Variants in MOGAT1 observed in about 807,000 individuals in gnomAD.
MOGAT1 encodes monoacylglycerol O-acyltransferase 1.
Under a neutral mutation model 31.4 loss-of-function variants are expected in MOGAT1, and 32 were observed. The observed-to-expected ratio is 1.02, with a 90% confidence interval of 0.77 to 1.37. The LOEUF is 1.37. Ranked by LOEUF, MOGAT1 falls within the 40% of genes most tolerant of loss-of-function variation. The probability of loss-of-function intolerance (pLI) is 0.00; values close to 1 mark genes in which losing one functional copy is unlikely to be tolerated. For missense variants in MOGAT1, 426 were observed against 402.0 expected (o/e 1.06, Z -0.51); for synonymous variants, 145 against 144.5 (o/e 1.00, Z -0.03).
chr2:222,698,741 T>A, intron 5 of MOGAT1: 1 of 152,212 alleles, frequency 6.6e-6, no homozygotes, highest in East Asian at 1.9e-4. Context: ...AGCCTTTCCA[T>A]GGAGGATGGT....
intron 3 of MOGAT1, among the ~76,000 whole-genome samples, chr2:222,690,242 G>A (rs905617869): frequency 1.3e-5 from 2 of 152,198 alleles, no homozygotes. Flanking sequence ...GTGACAGAGA[G>A]AGACCCAATC....
chr2:222,709,312 C>T (rs1693077188), intron 5 of MOGAT1, among the ~76,000 whole-genome samples: 1 of 152,170 alleles, frequency 6.6e-6, no homozygotes, highest in South Asian at 2.1e-4. Context: ...CAGAGTAAGA[C>T]TCTGTCTCAA....
chr2:222,675,257 C>T (rs2106030092), intron 1 of MOGAT1, among the ~76,000 whole-genome samples: 1 of 152,312 alleles, frequency 6.6e-6, no homozygotes, highest in Non-Finnish European at 1.5e-5. Context: ...CTGGGCAAGA[C>T]TTCTTCCCAG....
At chr2:222,703,465 AGTG>A (rs1229126655) in intron 5 of MOGAT1, among the ~76,000 whole-genome samples, 2 of 151,946 alleles carry the variant, frequency 1.3e-5, no homozygotes, top group Non-Finnish European at 2.9e-5. Flanking sequence ...TCGGTGCCAA[AGTG>A]GCATATTTTA....
chr2:222,707,421 G>A lies in MOGAT1; in HGVS notation c.854-2315G>A, dbSNP rs572721016. ...AGAGGGAGGGAAGGGAGGGAAGGGAGGGAAGGGAGGCAAGGAAGGGGAAAG... is the reference window on the plus strand; with the variant it reads ...AGAGGGAGGGAAGGGAGGGAAGGGAAGGAAGGGAGGCAAGGAAGGGGAAAG... On this transcript the variant is annotated intron_variant, in intron 5 of 5. Transcript: ENST00000446656. Among the ~76,000 whole-genome samples, 13 of 151,144 alleles carry A rather than the reference G, an allele frequency of 8.6e-5. No homozygotes were observed. In the South Asian group the frequency reaches 2.5e-3, roughly 29 times the overall value.
chr2:222,694,012 T>C (rs377764463), intron 3 of MOGAT1, among the ~76,000 whole-genome samples: 10 of 152,318 alleles, frequency 6.6e-5, no homozygotes, highest in African/African-American at 2.2e-4. Context: ...GTGCAGGTTG[T>C]GCACTGAACA....
rs552923150 is a variant in MOGAT1, at chr2:222,679,649, T to A, written c.94+7770T>A. 1.1e-4 allele frequency among the ~76,000 whole-genome samples: 16 copies of A among 152,346 alleles called. No individual in the cohort carries two copies. The South Asian group carries it at 2.9e-3, about 28-fold the overall frequency. The stretch of plus-strand genomic sequence containing the variant: ...CATATTTCAGAAGTTCCCTTACTAA[T>A]GTCCTGTATAGCAAAGGAATCCACA... On this transcript the variant is annotated intron_variant, in intron 1 of 5. Coordinates refer to ENST00000446656, the MANE Select transcript of MOGAT1 (RefSeq NM_058165.3).
chr2:222,690,366 C>A (rs1340588920), intron 3 of MOGAT1, among the ~76,000 whole-genome samples: 1 of 152,052 alleles, frequency 6.6e-6, no homozygotes, highest in Non-Finnish European at 1.5e-5. Context: ...TCGAGACCAG[C>A]CTTGCCAACA....
intron 1 of MOGAT1, among the ~76,000 whole-genome samples, chr2:222,686,899 G>A (rs1182592446): frequency 2.6e-5 from 4 of 152,060 alleles, no homozygotes; most frequent in African/African-American, 7.2e-5. Flanking sequence ...GATCACTTGA[G>A]GTCAGGAGTT....
chr2:222,680,063 A>T (rs889766216), intron 1 of MOGAT1, among the ~76,000 whole-genome samples: 1 of 152,188 alleles, frequency 6.6e-6, no homozygotes, highest in Non-Finnish European at 1.5e-5. Flanking sequence ...GGCTGCCCTG[A>T]TTAATGAATA....
chr2:222,706,930 C>T (rs549985627), intron 5 of MOGAT1, among the ~76,000 whole-genome samples: 1 of 152,248 alleles, frequency 6.6e-6, no homozygotes, highest in South Asian at 2.1e-4. Flanking sequence ...TGTGGTGGCT[C>T]ACGCCGACCT....
At chr2:222,699,442 A>G (rs1692885630) in intron 5 of MOGAT1, 1 of 152,910 alleles carries the variant, frequency 6.5e-6, no homozygotes, top group Non-Finnish European at 1.5e-5. Flanking sequence ...ACTTTCTGCA[A>G]ACTTCATGTT....
chr2:222,707,553 C>T (rs1693024578), intron 5 of MOGAT1, among the ~76,000 whole-genome samples: 2 of 152,076 alleles, frequency 1.3e-5, no homozygotes, highest in South Asian at 4.1e-4. Flanking sequence ...GTGCAACTCC[C>T]GCTCCCAGTT....
At chr2:222,683,900 G>A (rs923584237) in intron 1 of MOGAT1, among the ~76,000 whole-genome samples, 1 of 152,190 alleles carries the variant, frequency 6.6e-6, no homozygotes, top group African/African-American at 2.4e-5. Context: ...CTTGGTTTGT[G>A]AATCTAGACA....
rs6436332 is a variant in MOGAT1, at chr2:222,706,023, G to A, written c.854-3713G>A. ...ATCCGGTTTGGGGTTAGTTTAAGAA[G>A]CAGGGGCAGGAATGCTGGGTTTAAG... is the stretch of plus-strand genomic sequence containing the variant. On this transcript the variant is annotated intron_variant, in intron 5 of 5. Coordinates refer to ENST00000446656, the MANE Select transcript of MOGAT1 (RefSeq NM_058165.3). Among the ~76,000 whole-genome samples the A allele has an allele frequency of 4.6e-3, 704 of 152,334 alleles. 6 individuals carry two copies. The highest frequency in any genetic ancestry group is 0.016 in the African/African-American group (674 of 41,560).
chr2:222,688,329 T>C lies in MOGAT1; in HGVS notation c.95-15T>C, dbSNP rs1559230408. 6 of 1,593,446 alleles carry C rather than the reference T, an allele frequency of 3.8e-6. No homozygotes were observed. The highest frequency in any genetic ancestry group is 1.7e-4 in the Middle Eastern group (1 of 6,036). ...CTAACAGACTGATTCCATGAGACTT[T>C]TTCTTTTCTTACAGGGCCGATGTCC... On this transcript the variant is annotated splice_polypyrimidine_tract_variant and intron_variant, in intron 1 of 5. Coordinates refer to ENST00000446656, the MANE Select transcript of MOGAT1 (RefSeq NM_058165.3).
At chr2:222,704,889 A>T (rs1279530076) in intron 5 of MOGAT1, among the ~76,000 whole-genome samples, 1 of 152,128 alleles carries the variant, frequency 6.6e-6, no homozygotes, top group Admixed American at 6.5e-5. Flanking sequence ...AGGTTATGAT[A>T]GTGTTACAGG....
At chr2:222,690,608 T>C (rs935463982) in intron 3 of MOGAT1, among the ~76,000 whole-genome samples, 8 of 152,178 alleles carry the variant, frequency 5.3e-5, no homozygotes, top group African/African-American at 1.7e-4. Flanking sequence ...TAGACTTTTA[T>C]TACGTCCTAT....
chr2:222,703,274 G>A (rs763978087), intron 5 of MOGAT1, among the ~76,000 whole-genome samples: 1 of 152,192 alleles, frequency 6.6e-6, no homozygotes, highest in Non-Finnish European at 1.5e-5. Context: ...CACATCTCTG[G>A]TGATAACGTT....
Sources: gnomAD v4.1 joint callset for allele counts (sites outside exome capture counted in the v4.1 genomes callset) on GRCh38, gnomAD v4.1.1 for gene constraint, MANE v1.5 for transcripts, NCBI Gene and HGNC (gene_info 2026-07-23, HGNC 2026-07-21) for gene names.